Variants in MYRIP observed in about 807,000 individuals in gnomAD.
The protein encoded by MYRIP is myosin VIIA and Rab interacting protein, also known as rab effector MyRIP.
In MYRIP, 49 loss-of-function variants were observed where a neutral mutation model predicts 98.0. That is an observed-to-expected ratio of 0.50 (90% confidence interval 0.40 to 0.63). The LOEUF is 0.63. Among genes scored for constraint, MYRIP ranks in the 30% least tolerant of loss-of-function variants. The pLI is 0.00. For missense variants in MYRIP, 1,004 were observed against 1,058.2 expected (o/e 0.95, Z 0.71); for synonymous variants, 404 against 409.5 (o/e 0.99, Z 0.16).
At chr3:40,072,842 AT>A (rs199669239) in intron 3 of MYRIP, among the ~76,000 whole-genome samples, 2 of 147,770 alleles carry the variant, frequency 1.4e-5, no homozygotes, top group Non-Finnish European at 3.0e-5. Context: ...TTAAAAAAAA[AT>A]GTATATTGTG....
chr3:40,028,818 CA>C (rs139033053), intron 2 of MYRIP, among the ~76,000 whole-genome samples: 2 of 152,244 alleles, frequency 1.3e-5, no homozygotes, highest in East Asian at 3.9e-4. Context: ...TGACTTCTTC[CA>C]TGAGATACTA....
At chr3:40,027,369 G>T (rs1468914045) in intron 2 of MYRIP, among the ~76,000 whole-genome samples, 1 of 152,088 alleles carries the variant, frequency 6.6e-6, no homozygotes, top group Non-Finnish European at 1.5e-5. Context: ...ACTGACAGTG[G>T]CTGATAGTTC....
chr3:39,878,867 C>A, intron 1 of MYRIP, among the ~76,000 whole-genome samples: 1 of 144,204 alleles, frequency 6.9e-6, no homozygotes. Flanking sequence ...CCATTCTGGC[C>A]AACATGGTGA....
chr3:39,847,152 C>A (rs556968497), intron 1 of MYRIP, among the ~76,000 whole-genome samples: 2 of 152,290 alleles, frequency 1.3e-5, no homozygotes, highest in South Asian at 2.1e-4. Flanking sequence ...TCTCTTTAAC[C>A]CATACTTAAT....
intron 10 of MYRIP, chr3:40,209,276 C>T (rs1360642573): frequency 6.6e-6 from 1 of 152,474 alleles, no homozygotes; most frequent in Non-Finnish European, 1.5e-5. Flanking sequence ...TGCACTCCAG[C>T]CTGGGCAACA....
intron 11 of MYRIP, among the ~76,000 whole-genome samples, chr3:40,230,238 T>C (rs1309293305): frequency 6.6e-6 from 1 of 152,218 alleles, no homozygotes; most frequent in Non-Finnish European, 1.5e-5. Flanking sequence ...AATGGCATGC[T>C]CTGTCTGGGC....
At chr3:39,898,865 ATGCTTTAAGTATT>A (rs1943678309) in intron 1 of MYRIP, among the ~76,000 whole-genome samples, 1 of 152,142 alleles carries the variant, frequency 6.6e-6, no homozygotes, top group South Asian at 2.1e-4. Flanking sequence ...TCCTTGAACA[ATGCTTTAAGTATT>A]TGCTTTAGTT....
intron 1 of MYRIP, among the ~76,000 whole-genome samples, chr3:39,863,724 G>A (rs907715646): frequency 2.0e-5 from 3 of 151,904 alleles, no homozygotes; most frequent in East Asian, 3.9e-4. Flanking sequence ...AGATGAATTC[G>A]ACCTGATGTA....
At chr3:40,103,608 A>C (rs889907920) in intron 3 of MYRIP, among the ~76,000 whole-genome samples, 1 of 152,200 alleles carries the variant, frequency 6.6e-6, no homozygotes, top group African/African-American at 2.4e-5. Flanking sequence ...AAAATACAAA[A>C]ATTAGCCAGG....
intron 2 of MYRIP, among the ~76,000 whole-genome samples, chr3:39,929,569 C>T (rs925709228): frequency 6.6e-6 from 1 of 151,924 alleles, no homozygotes; most frequent in Non-Finnish European, 1.5e-5. Flanking sequence ...GAAATAGGCC[C>T]GTACAAATAT....
At chr3:40,212,083 CATAT>C (rs10599051) in intron 11 of MYRIP, among the ~76,000 whole-genome samples, 1 of 64,200 alleles carries the variant, frequency 1.6e-5, no homozygotes, top group Admixed American at 1.6e-4. Context: ...TCCATATAGC[CATAT>C]ATATATATGT....
intron 3 of MYRIP, among the ~76,000 whole-genome samples, chr3:40,048,654 T>C (rs1947721963): frequency 6.6e-6 from 1 of 152,154 alleles, no homozygotes; most frequent in Non-Finnish European, 1.5e-5. Flanking sequence ...AATCCATATT[T>C]TTTTCTGTTT....
chr3:39,811,709 C>T (rs1013770384), intron 1 of MYRIP, among the ~76,000 whole-genome samples: 1 of 151,214 alleles, frequency 6.6e-6, no homozygotes, highest in Non-Finnish European at 1.5e-5. Context: ...AAGTGTGTCT[C>T]TGTAGAGATG....
chr3:39,868,568 C>A (rs1942690372), intron 1 of MYRIP, among the ~76,000 whole-genome samples: 1 of 152,172 alleles, frequency 6.6e-6, no homozygotes, highest in South Asian at 2.1e-4. Flanking sequence ...TATGCTTTAT[C>A]TGGGAGTTTA....
chr3:39,918,335 CTG>C (rs1466860208), intron 2 of MYRIP, among the ~76,000 whole-genome samples: 1 of 152,226 alleles, frequency 6.6e-6, no homozygotes, highest in Non-Finnish European at 1.5e-5. Flanking sequence ...CAATGGCAGA[CTG>C]TTATAAATCA....
intron 8 of MYRIP, among the ~76,000 whole-genome samples, chr3:40,177,472 T>C (rs1950790921): frequency 1.3e-5 from 2 of 152,200 alleles, no homozygotes; most frequent in Admixed American, 1.3e-4. Context: ...GAAATAACCA[T>C]GCAGAATCCC....
At chr3:39,954,469 G>A (rs1272291631) in intron 2 of MYRIP, among the ~76,000 whole-genome samples, 1 of 152,162 alleles carries the variant, frequency 6.6e-6, no homozygotes, top group East Asian at 1.9e-4. Context: ...CTGTTAGAAG[G>A]AAAACTAACA....
At chr3:39,990,971 G>A (rs1227633229) in intron 2 of MYRIP, among the ~76,000 whole-genome samples, 1 of 152,102 alleles carries the variant, frequency 6.6e-6, no homozygotes, top group East Asian at 1.9e-4. Flanking sequence ...GACACAGGAA[G>A]GGGAACATCA....
At chr3:39,830,616 C>T (rs2125583977) in intron 1 of MYRIP, among the ~76,000 whole-genome samples, 1 of 152,292 alleles carries the variant, frequency 6.6e-6, no homozygotes, top group Non-Finnish European at 1.5e-5. Context: ...TGAAATGTCG[C>T]TCCACTCCCT....
Sources: allele counts gnomAD v4.1 joint callset (sites outside exome capture counted in the v4.1 genomes callset), GRCh38; gene constraint gnomAD v4.1.1; transcripts MANE v1.5; gene names NCBI Gene and HGNC (gene_info 2026-07-23, HGNC 2026-07-21).